Variants in ZMYM6 observed in about 807,000 individuals in gnomAD.
ZMYM6 encodes zinc finger MYM-type protein 6.
ZMYM6 carries 90 observed loss-of-function variants against 134.0 expected under a neutral mutation model. That is an observed-to-expected ratio of 0.67 (90% confidence interval 0.57 to 0.80). ZMYM6 has a LOEUF of 0.80. ZMYM6 is among the 30% of genes least tolerant of loss of function. The probability of loss-of-function intolerance (pLI) is 0.00; values close to 1 mark genes in which losing one functional copy is unlikely to be tolerated. For missense variants in ZMYM6, 1,362 were observed against 1,533.9 expected, an observed-to-expected ratio of 0.89 and a Z score of 1.87; for synonymous variants, 481 against 524.1, an observed-to-expected ratio of 0.92 and a Z score of 1.12.
At chr1:35,021,032 G>A (rs374557054) in intron 2 of ZMYM6, among the ~76,000 whole-genome samples, 10 of 151,802 alleles carry the variant, frequency 6.6e-5, no homozygotes, top group African/African-American at 2.4e-4. Flanking sequence ...TTGATATATG[G>A]GAGTAATACA....
Position 35,016,108 on chromosome 1 carries a change from G to A in ZMYM6, c.429-946C>T, listed in dbSNP as rs377541678. 4.6e-5 allele frequency among the ~76,000 whole-genome samples: 7 copies of A among 151,968 alleles called. No homozygotes were observed. The East Asian group carries it at 9.7e-4, about 21-fold the overall frequency. On this transcript the variant is annotated intron_variant, in intron 4 of 15. Transcript: ENST00000357182. ...CTGGGACACCAGCACGTGCCACCAT[G>A]CCAGGCTAATTTTTGTATTTTTAGT...
At chr1:35,025,428 C>T (rs1217136706) in intron 2 of ZMYM6, among the ~76,000 whole-genome samples, 1 of 132,278 alleles carries the variant, frequency 7.6e-6, no homozygotes, top group Non-Finnish European at 1.5e-5. Context: ...GATGGCGCCA[C>T]TGCACTTCAG....
At chr1:35,020,561 T>A in intron 2 of ZMYM6, 94 bp from the exon 3 acceptor site, 4 of 567,722 alleles carry the variant, frequency 7.0e-6, no homozygotes, top group Non-Finnish European at 1.0e-5. Context: ...TCTATCCTAT[T>A]CATCTCCTTT....
In ZMYM6 at chr1:35,015,181, G is replaced by A. The variant is rs756024183; in HGVS notation, c.429-19C>T. ...AATGTCTCTAAAAATAAATAACAAA[G>A]GTAAAAATGAAATGTATTCTTCACA... On this transcript the variant is annotated intron_variant, in intron 4 of 15. Transcript: ENST00000357182. 2.6e-6 allele frequency: 4 copies of A among 1,565,194 alleles called. No homozygotes were observed. The East Asian group carries it at 9.1e-5, about 35-fold the overall frequency.
At chr1:34,993,614 G>A (rs1640724108) in intron 14 of ZMYM6, among the ~76,000 whole-genome samples, 1 of 152,116 alleles carries the variant, frequency 6.6e-6, no homozygotes, top group Admixed American at 6.5e-5. Flanking sequence ...CACAGATTCT[G>A]TGGACAAGGA....
rs1489822035 is a variant in ZMYM6 at position 35,005,307 on chromosome 1, C to CA, written c.1814-36dup. 25 of 1,604,288 alleles carry CA rather than the reference C, an allele frequency of 1.6e-5. No homozygotes were observed. The African/African-American group carries it at 3.1e-4, about 20-fold the overall frequency. Reference sequence around the variant, plus strand: ...ATAAAAAGTTAAGATCTGGAATAAGCAAAAGGGTCTCTCTCTCATACACAC... The same window carrying CA: ...ATAAAAAGTTAAGATCTGGAATAAGCAAAAAGGGTCTCTCTCTCATACACAC... On this transcript the variant is annotated intron_variant, in intron 12 of 15. Transcript: ENST00000357182.
chr1:35,030,956 T>A (rs1641511458), intron 1 of ZMYM6, among the ~76,000 whole-genome samples: 1 of 152,192 alleles, frequency 6.6e-6, no homozygotes, highest in South Asian at 2.1e-4. Flanking sequence ...ACTCTGGTTT[T>A]TTCCTATGTT....
chr1:35,016,197 C>T (rs1469064610), intron 4 of ZMYM6, among the ~76,000 whole-genome samples: 5 of 152,154 alleles, frequency 3.3e-5, no homozygotes, highest in South Asian at 4.1e-4. Flanking sequence ...GATCCGCCTG[C>T]GTCAGCCTCC....
intron 3 of ZMYM6, 108 bp from the exon 4 acceptor site, chr1:35,019,710 T>C: frequency 1.5e-5 from 20 of 1,296,448 alleles, no homozygotes; most frequent in Non-Finnish European, 1.7e-5. Context: ...GGTCTCACTG[T>C]CACCCAGGCT....
intron 15 of ZMYM6, chr1:34,990,449 C>T (rs186349565): frequency 1.9e-5 from 3 of 157,378 alleles, no homozygotes; most frequent in African/African-American, 7.2e-5. Flanking sequence ...CGCCACTACA[C>T]TCTAGCCTGG....
At chr1:35,015,945 CTTTT>C (rs10715166) in intron 4 of ZMYM6, among the ~76,000 whole-genome samples, 1 of 134,116 alleles carries the variant, frequency 7.5e-6, no homozygotes, top group South Asian at 2.4e-4. Flanking sequence ...TTTTTTCTTT[CTTTT>C]TTTTTTTTTT....
At chr1:35,028,100 G>A (rs1003807623) in intron 2 of ZMYM6, among the ~76,000 whole-genome samples, 1 of 152,108 alleles carries the variant, frequency 6.6e-6, no homozygotes, top group Non-Finnish European at 1.5e-5. Context: ...GAGCACTTGA[G>A]GTCAGGAGTT....
In ZMYM6 at chr1:34,995,148, T is replaced by C. The variant is rs180837380; in HGVS notation, c.1993-2761A>G. Among the ~76,000 whole-genome samples the C allele has an allele frequency of 2.9e-3, 417 of 145,602 alleles. 2 individuals are homozygous for C. Among genetic ancestry groups the C allele is most frequent in the African/African-American group, 9.5e-3 (377 of 39,860 alleles). On this transcript the variant is annotated intron_variant, in intron 14 of 15. Coordinates refer to ENST00000357182, the MANE Select transcript of ZMYM6 (RefSeq NM_007167.4). Reference sequence around the variant, plus strand: ...ATATACATATATACACACACACACATACACACACACATATGTATGTGTGTA... The same window carrying C: ...ATATACATATATACACACACACACACACACACACACATATGTATGTGTGTA...
At chr1:35,025,725 T>TA (rs1390721849) in intron 2 of ZMYM6, among the ~76,000 whole-genome samples, 2 of 152,156 alleles carry the variant, frequency 1.3e-5, no homozygotes, top group Non-Finnish European at 2.9e-5. Context: ...AAGTAACTAA[T>TA]ACAGTTTACC....
intron 2 of ZMYM6, among the ~76,000 whole-genome samples, chr1:35,024,293 GTTTA>G (rs1641365755): frequency 6.6e-6 from 1 of 152,162 alleles, no homozygotes; most frequent in Admixed American, 6.5e-5. Flanking sequence ...AATCACCATT[GTTTA>G]TTTGATAGTC....
At chr1:34,992,655 A>ATAAACTATAAATATAAAAATATATTTG (rs1640699093) in intron 14 of ZMYM6, among the ~76,000 whole-genome samples, 2 of 146,316 alleles carry the variant, frequency 1.4e-5, no homozygotes, top group South Asian at 4.4e-4. Flanking sequence ...AAATATATTT[A>ATAAACTATAAATATAAAAATATATTTG]TAAACTATAA....
chr1:35,002,401 T>C (rs1640895582), intron 14 of ZMYM6, among the ~76,000 whole-genome samples: 2 of 152,202 alleles, frequency 1.3e-5, no homozygotes, highest in East Asian at 1.9e-4. Context: ...GGCTTTAAAA[T>C]TGGAGAACCA....
intron 1 of ZMYM6, among the ~76,000 whole-genome samples, chr1:35,030,952 G>T (rs1641511348): frequency 6.6e-6 from 1 of 152,134 alleles, no homozygotes; most frequent in Non-Finnish European, 1.5e-5. Context: ...ACACACTCTG[G>T]TTTTTTCCTA....
At chr1:35,015,743 A>AAAAAATATATAT in intron 4 of ZMYM6, among the ~76,000 whole-genome samples, 4 of 106,476 alleles carry the variant, frequency 3.8e-5, no homozygotes, top group African/African-American at 2.6e-4. Context: ...AAAAAAAAAA[A>AAAAAATATATAT]ATATATATAT....
Sources: gnomAD v4.1 joint callset for allele counts (sites outside exome capture counted in the v4.1 genomes callset) on GRCh38, gnomAD v4.1.1 for gene constraint, MANE v1.5 for transcripts, NCBI Gene and HGNC (gene_info 2026-07-23, HGNC 2026-07-21) for gene names.